Variants in ZNF730 observed in about 807,000 individuals in gnomAD.
The protein encoded by ZNF730 is putative zinc finger protein 730.
ZNF730 carries 12 observed loss-of-function variants against 12.6 expected under a neutral mutation model. The observed-to-expected ratio is 0.95, with a 90% CI of 0.61 to 1.54. The LOEUF (loss-of-function observed/expected upper bound fraction) is 1.54, where lower values mean the gene tolerates loss of function less well. ZNF730 is among the 40% of genes most tolerant of loss of function. The pLI, the probability that ZNF730 is intolerant of heterozygous loss-of-function variation, is 0.00. For synonymous variants in ZNF730, 194 were observed against 195.8 expected (o/e 0.99, Z 0.08); for missense variants, 643 against 583.5 (o/e 1.10, Z -1.05).
At chr19:23,116,221 C>G (rs1457220460), upstream of ZNF730, among the ~76,000 whole-genome samples, 2 of 152,068 alleles carry the variant, frequency 1.3e-5, no homozygotes, top group Non-Finnish European at 2.9e-5. Context: ...CCCCTGTGGC[C>G]CCATCATCCT....
chr19:23,124,887 G>A (rs1195920170), intron 1 of ZNF730, among the ~76,000 whole-genome samples: 1 of 152,140 alleles, frequency 6.6e-6, no homozygotes, highest in East Asian at 1.9e-4. Context: ...CTAGTGATAT[G>A]GCTTGGCTAT....
intron 3 of ZNF730, 161 bp downstream of exon 3, chr19:23,136,204 C>G: frequency 4.7e-6 from 2 of 423,424 alleles, no homozygotes; most frequent in Non-Finnish European, 7.5e-6. Context: ...TTTTTCCTCT[C>G]ACATAGAAGC....
Position 23,145,488 on chromosome 19 carries a change from CAAAT to C in ZNF730, c.446_449del (p.Lys149MetfsTer2). ...CCCATAGCAAAATATTTCAGTGTGA[CAAAT>C]ATGTGAAAGTCTTTCATAAATTTTC... On this transcript the variant is annotated frameshift_variant, in exon 4 of 4. Transcript: ENST00000597761. LOFTEE classifies it low-confidence loss of function (END_TRUNC). The C allele has an allele frequency of 6.4e-7, 1 of 1,565,784 alleles. No individual in the cohort carries two copies. Among genetic ancestry groups the C allele is most frequent in the Non-Finnish European group, 8.6e-7 (1 of 1,156,226 alleles).
At chr19:23,132,644 A>G (rs1020672783) in intron 1 of ZNF730, among the ~76,000 whole-genome samples, 5 of 152,134 alleles carry the variant, frequency 3.3e-5, no homozygotes, top group Non-Finnish European at 7.4e-5. Context: ...CAAGATTCCT[A>G]TTGGGGAAAC....
chr19:23,135,865 C>T, intron 2 of ZNF730, 83 bp from the exon 3 acceptor site: 4 of 1,263,758 alleles, frequency 3.2e-6, no homozygotes, highest in East Asian at 2.6e-5. Flanking sequence ...TAGAATATTC[C>T]ATTACATTCT....
At position 23,105,886 on chromosome 19, in the gene ZNF730, G is replaced by A. The variant is rs910796860; in HGVS notation, c.-93-28194G>A. Reference sequence around the variant, plus strand: ...AACAAAAAACAAATTATTGATCTACGCCACAGTATGCATGAGTCAGACATG... The same window carrying A: ...AACAAAAAACAAATTATTGATCTACACCACAGTATGCATGAGTCAGACATG... On this transcript the variant is annotated intron_variant, in intron 1 of 2. Transcript: ENST00000593635. Among the ~76,000 whole-genome samples, 12 of 152,096 alleles carry A rather than the reference G, an allele frequency of 7.9e-5. No homozygotes were observed. The East Asian group carries it at 9.6e-4, about 12-fold the overall frequency.
chr19:23,096,811 C>T (rs114939509), intron 1 of ZNF730, among the ~76,000 whole-genome samples: 39 of 152,270 alleles, frequency 2.6e-4, no homozygotes, highest in African/African-American at 8.7e-4. Context: ...GACTCACCAC[C>T]TATGTATTGT....
upstream of ZNF730, among the ~76,000 whole-genome samples, chr19:23,113,334 G>T (rs1336068669): frequency 1.3e-5 from 2 of 152,190 alleles, no homozygotes; most frequent in Non-Finnish European, 2.9e-5. Flanking sequence ...TCTCCCTGCT[G>T]CATTGTATTC....
At chr19:23,135,142 T>C (rs1436817291) in intron 2 of ZNF730, among the ~76,000 whole-genome samples, 1 of 139,458 alleles carries the variant, frequency 7.2e-6, no homozygotes, top group African/African-American at 2.7e-5. Context: ...TTCACTTGTT[T>C]ATCTACTGAC....
At position 23,135,929 on chromosome 19, in the gene ZNF730, G is replaced by A. The variant is rs769590736; in HGVS notation, c.131-19G>A. On this transcript the variant is annotated intron_variant, in intron 2 of 3. Coordinates refer to ENST00000597761, the MANE Select transcript of ZNF730 (RefSeq NM_001277403.2). Reference sequence around the variant, plus strand: ...ATTGGAGAATATGAGCAAGATTCATGTTATTTTTCATAAAACAGGTATTGC... The same window carrying A: ...ATTGGAGAATATGAGCAAGATTCATATTATTTTTCATAAAACAGGTATTGC... The A allele has an allele frequency of 6.3e-7, 1 of 1,596,888 alleles. No homozygotes were observed. The highest frequency in any genetic ancestry group is 1.3e-5 in the African/African-American group (1 of 74,386).
intron 1 of ZNF730, among the ~76,000 whole-genome samples, chr19:23,122,437 C>G (rs1323133116): frequency 6.6e-6 from 1 of 152,132 alleles, no homozygotes; most frequent in African/African-American, 2.4e-5. Flanking sequence ...GCCACCACAT[C>G]GGGCCGTTTA....
upstream of ZNF730, chr19:23,116,978 C>A: frequency 1.0e-5 from 8 of 789,338 alleles, no homozygotes; most frequent in South Asian, 2.7e-5. Flanking sequence ...GCCGTCCAAT[C>A]AGGCCCGCAG....
chr19:23,116,875 C>T (rs1970533991), upstream of ZNF730: 2 of 366,594 alleles, frequency 5.5e-6, no homozygotes, highest in Non-Finnish European at 4.6e-6. Flanking sequence ...CGCTGTCACT[C>T]TTCATTCAGT....
intron 1 of ZNF730, among the ~76,000 whole-genome samples, chr19:23,083,279 C>G (rs1168156369): frequency 1.3e-5 from 2 of 151,910 alleles, no homozygotes; most frequent in Non-Finnish European, 2.9e-5. Flanking sequence ...CAAAAATTAG[C>G]CAGGCATGGT....
At chr19:23,139,951 A>G (rs556420005) in intron 3 of ZNF730, among the ~76,000 whole-genome samples, 1 of 152,008 alleles carries the variant, frequency 6.6e-6, no homozygotes, top group East Asian at 1.9e-4. Context: ...ATATCAGTTT[A>G]TTGTGTTTGC....
chr19:23,116,906 T>A, upstream of ZNF730: 2 of 637,388 alleles, frequency 3.1e-6, no homozygotes, highest in Non-Finnish European at 2.6e-6. Context: ...ATCACATCTG[T>A]CACTCAGGGC....
At chr19:23,115,042 A>C (rs1970501859), upstream of ZNF730, among the ~76,000 whole-genome samples, 1 of 152,154 alleles carries the variant, frequency 6.6e-6, no homozygotes, top group African/African-American at 2.4e-5. Context: ...AGCCTCACAA[A>C]GTGCTAAGAT....
At chr19:23,085,367 C>CT (rs1327924641) in intron 1 of ZNF730, among the ~76,000 whole-genome samples, 12 of 145,458 alleles carry the variant, frequency 8.2e-5, no homozygotes, top group Non-Finnish European at 1.2e-4. Flanking sequence ...TGCTTTTTTT[C>CT]TTTTTTTTTA....
intron 1 of ZNF730, among the ~76,000 whole-genome samples, chr19:23,102,404 T>C (rs1359562071): frequency 1.3e-5 from 2 of 152,200 alleles, no homozygotes; most frequent in Non-Finnish European, 2.9e-5. Context: ...GTGATGTGAC[T>C]CTTATCTCTC....
Sources: gnomAD v4.1 joint callset for allele counts (sites outside exome capture counted in the v4.1 genomes callset) on GRCh38, gnomAD v4.1.1 for gene constraint, MANE v1.5 for transcripts, NCBI Gene and HGNC (gene_info 2026-07-23, HGNC 2026-07-21) for gene names.